PTPRM: variants seen among roughly 807,000 people sequenced by gnomAD.
PTPRM encodes protein tyrosine phosphatase receptor type M.
Under a neutral mutation model 186.7 loss-of-function variants are expected in PTPRM, and 47 were observed. That is an observed-to-expected ratio of 0.25 (90% confidence interval 0.20 to 0.32). PTPRM has a LOEUF of 0.32. Ranked by LOEUF, PTPRM falls within the 10% of genes least tolerant of loss-of-function variation. PTPRM has a pLI of 1.00. For missense variants in PTPRM, 1,494 were observed against 1,865.0 expected (o/e 0.80, Z 3.66); for synonymous variants, 668 against 674.9 (o/e 0.99, Z 0.16).
rs1358201891 is a variant in PTPRM, at chr18:8,390,980, G to A, written c.4209-3496G>A. ...ATAATAATAATAATAAAGATGTCCC[G>A]AATAGCCAATGAGCATAGAAAAGTT... is the stretch of plus-strand genomic sequence containing the variant. On this transcript the variant is annotated intron_variant, in intron 31 of 32. Coordinates refer to ENST00000580170, the MANE Select transcript of PTPRM (RefSeq NM_001105244.2). 2.9e-5 allele frequency among the ~76,000 whole-genome samples: 4 copies of A among 139,022 alleles called. No homozygotes were observed. In the East Asian group the frequency reaches 6.1e-4, roughly 21 times the overall value. The allele number at this position is 139,022 out of a possible 152,430, so 91.2% of individuals were successfully genotyped here.
At chr18:7,691,920 G>A (rs1422699117) in intron 1 of PTPRM, among the ~76,000 whole-genome samples, 49 of 144,950 alleles carry the variant, frequency 3.4e-4, no homozygotes, top group South Asian at 6.8e-4. Flanking sequence ...TGGGAGGATG[G>A]CTAGATCCCA....
At position 8,366,247 on chromosome 18, in the gene PTPRM, C is replaced by T. The variant is rs572024052; in HGVS notation, c.3055-4643C>T. On this transcript the variant is annotated intron_variant, in intron 23 of 32. Coordinates refer to ENST00000580170, the MANE Select transcript of PTPRM (RefSeq NM_001105244.2). ...GCCCCTCAAGCTCACGTCCACACTG[C>T]GTGAGAGCCAGCACTCCAGCCTGGC... is the stretch of plus-strand genomic sequence containing the variant. Among the ~76,000 whole-genome samples the T allele has an allele frequency of 6.6e-5, 10 of 152,338 alleles. No individual in the cohort carries two copies. In the South Asian group the frequency reaches 2.1e-3, roughly 32 times the overall value.
chr18:7,628,192 G>T (rs918526334), intron 1 of PTPRM, among the ~76,000 whole-genome samples: 2 of 152,106 alleles, frequency 1.3e-5, no homozygotes, highest in South Asian at 4.2e-4. Flanking sequence ...ACACACACAG[G>T]ATATGTATTC....
At chr18:7,886,538 C>T (rs2048795401) in intron 2 of PTPRM, among the ~76,000 whole-genome samples, 1 of 152,138 alleles carries the variant, frequency 6.6e-6, no homozygotes. Flanking sequence ...CTATAATTTC[C>T]CTTCACTGCT....
chr18:8,296,503 A>C (rs2095098669), intron 20 of PTPRM, 48 bp downstream of exon 20: 1 of 1,380,686 alleles, frequency 7.2e-7, no homozygotes, highest in Non-Finnish European at 1.0e-6. Context: ...TCCTTTTTGC[A>C]TCTAGTAAGA....
intron 11 of PTPRM, among the ~76,000 whole-genome samples, chr18:8,091,431 A>G (rs542812276): frequency 6.6e-6 from 1 of 152,320 alleles, no homozygotes; most frequent in African/African-American, 2.4e-5. Flanking sequence ...TAATTTTAGA[A>G]TCATGATCAA....
Position 8,269,370 on chromosome 18 carries a change from C to A in PTPRM, c.2754+15956C>A, listed in dbSNP as rs116751140. Reference sequence around the variant, plus strand: ...GATCTATACACTGGAAACTAGAAAACATTTATAAAAGAAATTGAAGATACA... The same window carrying A: ...GATCTATACACTGGAAACTAGAAAAAATTTATAAAAGAAATTGAAGATACA... On this transcript the variant is annotated intron_variant, in intron 19 of 32. Coordinates refer to ENST00000580170, the MANE Select transcript of PTPRM (RefSeq NM_001105244.2). 5.1e-3 allele frequency among the ~76,000 whole-genome samples: 770 copies of A among 151,876 alleles called. 6 individuals carry two copies. The highest frequency in any genetic ancestry group is 0.018 in the African/African-American group (727 of 41,488).
chr18:7,909,694 T>C (rs2050166293), intron 4 of PTPRM, among the ~76,000 whole-genome samples: 1 of 133,048 alleles, frequency 7.5e-6, no homozygotes, highest in African/African-American at 2.8e-5. Context: ...GCAAAATTGC[T>C]GAATCTCATT....
rs553560711 is a variant in PTPRM at position 7,835,947 on chromosome 18, A to G, written c.197-52159A>G. Among the ~76,000 whole-genome samples, 27 of 152,130 alleles carry G rather than the reference A, an allele frequency of 1.8e-4. 3 individuals carry two copies. The South Asian group carries it at 5.6e-3, about 32-fold the overall frequency. ...CTCTTTCAGTTTCTATGTGCCTGGA[A>G]TATCTTTTTCCATCCCTTTATTTTT... On this transcript the variant is annotated intron_variant, in intron 2 of 32. Coordinates refer to ENST00000580170, the MANE Select transcript of PTPRM (RefSeq NM_001105244.2).
At chr18:8,085,640 GA>G in intron 9 of PTPRM, 30 bp from the exon 10 acceptor site, 1 of 1,544,472 alleles carries the variant, frequency 6.5e-7, no homozygotes, top group Non-Finnish European at 9.0e-7. Flanking sequence ...ATCTGCTCCA[GA>G]TATTTTATCA....
intron 1 of PTPRM, among the ~76,000 whole-genome samples, chr18:7,750,323 C>T (rs893949789): frequency 1.4e-4 from 22 of 152,196 alleles, no homozygotes; most frequent in Non-Finnish European, 2.8e-4. Context: ...GTAAAACAAG[C>T]TCGTTAAAGA....
chr18:7,956,231 A>G (rs1434166168), intron 7 of PTPRM, among the ~76,000 whole-genome samples: 1 of 152,188 alleles, frequency 6.6e-6, no homozygotes, highest in Non-Finnish European at 1.5e-5. Flanking sequence ...TTATGGTGTT[A>G]GTTAATTATT....
At chr18:8,018,611 G>A (rs1253881039) in intron 7 of PTPRM, among the ~76,000 whole-genome samples, 1 of 152,114 alleles carries the variant, frequency 6.6e-6, no homozygotes, top group African/African-American at 2.4e-5. Flanking sequence ...GTATCTGAGT[G>A]TAAATTGATG....
chr18:7,978,023 C>T (rs1233740709), intron 7 of PTPRM, among the ~76,000 whole-genome samples: 2 of 152,220 alleles, frequency 1.3e-5, no homozygotes, highest in Admixed American at 6.5e-5. Context: ...TGCAGTTTTG[C>T]AGTGCGTCTG....
intron 2 of PTPRM, among the ~76,000 whole-genome samples, chr18:7,866,580 A>G (rs1016317881): frequency 7.2e-5 from 11 of 152,188 alleles, no homozygotes; most frequent in African/African-American, 2.7e-4. Context: ...GTTCTTTTGC[A>G]TATGCTGAGG....
chr18:8,321,035 C>T (rs1177023494), intron 22 of PTPRM, among the ~76,000 whole-genome samples: 3 of 152,118 alleles, frequency 2.0e-5, no homozygotes, highest in South Asian at 2.1e-4. Context: ...TGCTTCCAAA[C>T]GGAATTCATC....
intron 22 of PTPRM, among the ~76,000 whole-genome samples, chr18:8,320,103 C>T (rs192337018): frequency 1.2e-4 from 18 of 152,274 alleles, no homozygotes; most frequent in Admixed American, 1.1e-3. Context: ...AGCACATGTT[C>T]TCCCCATTTT....
chr18:7,752,482 G>A (rs1264462243), intron 1 of PTPRM, among the ~76,000 whole-genome samples: 1 of 152,250 alleles, frequency 6.6e-6, no homozygotes, highest in Non-Finnish European at 1.5e-5. Context: ...GGAGTGCGAT[G>A]GCGTGATCTC....
At chr18:7,847,987 G>A (rs2046680533) in intron 2 of PTPRM, among the ~76,000 whole-genome samples, 1 of 152,078 alleles carries the variant, frequency 6.6e-6, no homozygotes, top group South Asian at 2.1e-4. Flanking sequence ...GGGAGAAATG[G>A]GCAAAGCAAA....
Sources: allele counts gnomAD v4.1 joint callset (sites outside exome capture counted in the v4.1 genomes callset), GRCh38; gene constraint gnomAD v4.1.1; transcripts MANE v1.5; gene names NCBI Gene and HGNC (gene_info 2026-07-23, HGNC 2026-07-21).